COL22A1: variants seen among roughly 807,000 people sequenced by gnomAD.
COL22A1 encodes collagen type XXII alpha 1 chain.
A neutral mutation model predicts 248.9 loss-of-function variants in COL22A1; 221 were observed. The observed-to-expected ratio is 0.89, with a 90% CI of 0.80 to 0.99. The LOEUF is 0.99. COL22A1 is among the 50% of genes least tolerant of loss of function. The pLI is 0.00. For missense variants in COL22A1, 2,240 were observed against 2,179.0 expected (o/e 1.03, Z -0.56); for synonymous variants, 891 against 793.4 (o/e 1.12, Z -2.07).
At chr8:138,913,073 AG>A (rs112591288) in intron 1 of COL22A1, among the ~76,000 whole-genome samples, 45,647 of 151,872 alleles carry the variant, frequency 0.3, 7,267 homozygotes, top group African/African-American at 0.41. Context: ...AGGCTGGGAG[AG>A]GGGGGATAAA....
chr8:138,750,928 C>A (rs1428327690), intron 22 of COL22A1, among the ~76,000 whole-genome samples: 1 of 152,144 alleles, frequency 6.6e-6, no homozygotes, highest in Non-Finnish European at 1.5e-5. Flanking sequence ...GAAAGTACGG[C>A]ATTGTTTCAA....
At chr8:138,889,569 G>A (rs1256807263) in intron 1 of COL22A1, among the ~76,000 whole-genome samples, 3 of 152,096 alleles carry the variant, frequency 2.0e-5, no homozygotes, top group Non-Finnish European at 2.9e-5. Flanking sequence ...GTTGTGGGGT[G>A]GGGGGAGTGG....
At chr8:138,740,882 C>T (rs1471442740) in intron 22 of COL22A1, among the ~76,000 whole-genome samples, 1 of 152,178 alleles carries the variant, frequency 6.6e-6, no homozygotes, top group Non-Finnish European at 1.5e-5. Context: ...ATTCCAGTGC[C>T]TCTCAAAGGT....
At chr8:138,698,459 G>A (rs1159446571) in intron 32 of COL22A1, among the ~76,000 whole-genome samples, 1 of 152,230 alleles carries the variant, frequency 6.6e-6, no homozygotes, top group Non-Finnish European at 1.5e-5. Context: ...GGTTGCAGCA[G>A]TGCCAGGAAA....
At chr8:138,760,502 GC>G (rs1186386580) in intron 17 of COL22A1, among the ~76,000 whole-genome samples, 3 of 152,170 alleles carry the variant, frequency 2.0e-5, no homozygotes, top group Non-Finnish European at 2.9e-5. Flanking sequence ...TTTCTCATCT[GC>G]AGTTGCGCTG....
chr8:138,910,638 G>C (rs1815388103), intron 1 of COL22A1, among the ~76,000 whole-genome samples: 1 of 151,570 alleles, frequency 6.6e-6, no homozygotes, highest in African/African-American at 2.4e-5. Flanking sequence ...TAGGGGATTG[G>C]CTGAAAAAAA....
chr8:138,672,640 A>G (rs992802958), intron 41 of COL22A1, among the ~76,000 whole-genome samples: 1 of 152,192 alleles, frequency 6.6e-6, no homozygotes, highest in African/African-American at 2.4e-5. Flanking sequence ...GAGGCTCAAA[A>G]AGGGACGTCA....
Position 138,840,118 on chromosome 8 carries a change from G to A in COL22A1, c.733+3966C>T, listed in dbSNP as rs143557400. Among the ~76,000 whole-genome samples, 131 of 152,250 alleles carry A rather than the reference G, an allele frequency of 8.6e-4. No homozygotes were observed. In the East Asian group the frequency reaches 0.022, roughly 26 times the overall value. ...AAAGCCTGGAGGTGAGGCTTTTGGGGACTGCATTTTTTCCAGAATACAGAA... is the reference window on the plus strand; with the variant it reads ...AAAGCCTGGAGGTGAGGCTTTTGGGAACTGCATTTTTTCCAGAATACAGAA... On this transcript the variant is annotated intron_variant, in intron 4 of 64. Transcript: ENST00000303045.
intron 56 of COL22A1, among the ~76,000 whole-genome samples, chr8:138,608,986 T>C (rs1356379404): frequency 1.3e-5 from 2 of 152,194 alleles, no homozygotes; most frequent in African/African-American, 2.4e-5. Context: ...ACCAAGGACA[T>C]CCTAGAGAAT....
rs776376250 is a variant in COL22A1, at chr8:138,760,218, C to T, written c.1902+25G>A. 1.9e-6 allele frequency: 3 copies of T among 1,552,110 alleles called. No individual in the cohort carries two copies. In the South Asian group the frequency reaches 3.6e-5, roughly 19 times the overall value. ...CACCTGCCTGCCCAGGGCACAGAGC[C>T]CTTGACAGCCCCAGGCTCGCTCACC... On this transcript the variant is annotated intron_variant, in intron 18 of 64. Transcript: ENST00000303045.
chr8:138,718,690 G>GGACTAT (rs1829635425), intron 27 of COL22A1, among the ~76,000 whole-genome samples: 1 of 152,164 alleles, frequency 6.6e-6, no homozygotes, highest in Non-Finnish European at 1.5e-5. Flanking sequence ...GGCTCCTCTA[G>GGACTAT]GACTATGAGT....
At chr8:138,723,611 G>A (rs369070637) in intron 25 of COL22A1, among the ~76,000 whole-genome samples, 6 of 152,196 alleles carry the variant, frequency 3.9e-5, no homozygotes, top group African/African-American at 9.6e-5. Flanking sequence ...AGATGATCCC[G>A]TCACTCATGG....
chr8:138,885,571 T>C (rs576046187), intron 1 of COL22A1, among the ~76,000 whole-genome samples: 3 of 152,014 alleles, frequency 2.0e-5, no homozygotes, highest in South Asian at 2.1e-4. Flanking sequence ...ATCACACAGT[T>C]TTTTTTGTTT....
chr8:138,877,266 G>A (rs1269274500), intron 3 of COL22A1, among the ~76,000 whole-genome samples: 6 of 152,330 alleles, frequency 3.9e-5, no homozygotes, highest in Middle Eastern at 3.4e-3. Context: ...GGGAAGAGCC[G>A]AGGGAGCCTG....
chr8:138,767,185 A>G (rs1422444753), intron 16 of COL22A1, among the ~76,000 whole-genome samples: 1 of 152,230 alleles, frequency 6.6e-6, no homozygotes, highest in Non-Finnish European at 1.5e-5. Flanking sequence ...GATGCTGACA[A>G]TACTGCCTGG....
chr8:138,895,647 A>G (rs10098048), intron 1 of COL22A1, among the ~76,000 whole-genome samples: 31,946 of 152,114 alleles, frequency 0.21, 3,679 homozygotes, highest in African/African-American at 0.31. Flanking sequence ...CTGGAAAAAA[A>G]AGTGAGCAGA....
At chr8:138,842,458 G>A in intron 4 of COL22A1, among the ~76,000 whole-genome samples, 1 of 152,172 alleles carries the variant, frequency 6.6e-6, no homozygotes. Context: ...GTAAGAATTT[G>A]CTTTGAAGAC....
At chr8:138,829,341 C>T (rs1819842007) in intron 5 of COL22A1, among the ~76,000 whole-genome samples, 1 of 151,512 alleles carries the variant, frequency 6.6e-6, no homozygotes, top group African/African-American at 2.4e-5. Context: ...TTTGTAGCTA[C>T]AGATCAGTAT....
At chr8:138,620,964 T>C (rs1409215701) in intron 52 of COL22A1, among the ~76,000 whole-genome samples, 1 of 95,728 alleles carries the variant, frequency 1.0e-5, no homozygotes, top group African/African-American at 3.0e-5. Context: ...CATCCATCCA[T>C]CCATCCATCC....
Sources: allele counts gnomAD v4.1 joint callset (sites outside exome capture counted in the v4.1 genomes callset), GRCh38; gene constraint gnomAD v4.1.1; transcripts MANE v1.5; gene names NCBI Gene and HGNC (gene_info 2026-07-23, HGNC 2026-07-21).